Variants in NHEJ1 observed in about 807,000 individuals in gnomAD.
The protein encoded by NHEJ1 is non-homologous end joining factor 1, also known as non-homologous end-joining factor 1.
In NHEJ1, 22 loss-of-function variants were observed where a neutral mutation model predicts 39.4. The ratio of observed to expected loss-of-function variants is 0.56; its 90% CI spans 0.40 to 0.80. The LOEUF is 0.80. Among genes scored for constraint, NHEJ1 ranks in the 30% least tolerant of loss-of-function variants. The pLI is 0.00. For missense variants in NHEJ1, 329 were observed against 357.1 expected, an observed-to-expected ratio of 0.92 and a Z score of 0.63; for synonymous variants, 154 against 135.6, an observed-to-expected ratio of 1.14 and a Z score of -0.94.
At chr2:219,095,805 A>G (rs1949202947) in intron 5 of NHEJ1, among the ~76,000 whole-genome samples, 1 of 152,110 alleles carries the variant, frequency 6.6e-6, no homozygotes, top group Admixed American at 6.6e-5. Flanking sequence ...AAAGCAGAAA[A>G]CCAGATAAAA....
chr2:219,151,398 G>A (rs1375328995), intron 3 of NHEJ1, among the ~76,000 whole-genome samples: 6 of 152,104 alleles, frequency 3.9e-5, no homozygotes, highest in Non-Finnish European at 8.8e-5. Flanking sequence ...AACATGACAA[G>A]GAACAGCTTT....
At chr2:219,105,931 A>G (rs1949309166) in intron 5 of NHEJ1, among the ~76,000 whole-genome samples, 1 of 152,216 alleles carries the variant, frequency 6.6e-6, no homozygotes, top group East Asian at 1.9e-4. Flanking sequence ...CTTGAAGGCA[A>G]GGTTTCAGTT....
intron 5 of NHEJ1, among the ~76,000 whole-genome samples, chr2:219,081,579 G>A (rs1171195902): frequency 1.3e-5 from 2 of 152,226 alleles, no homozygotes; most frequent in African/African-American, 4.8e-5. Flanking sequence ...AGGGGAAACA[G>A]ATGCATCAAT....
At chr2:219,091,492 T>C (rs1282344885) in intron 5 of NHEJ1, among the ~76,000 whole-genome samples, 1 of 152,070 alleles carries the variant, frequency 6.6e-6, no homozygotes, top group East Asian at 1.9e-4. Context: ...CTAAGTCCTG[T>C]AGAGATGAAA....
intron 5 of NHEJ1, among the ~76,000 whole-genome samples, chr2:219,101,407 G>A (rs144670154): frequency 0.026 from 3,751 of 145,410 alleles, 159 homozygotes; most frequent in African/African-American, 0.09. Context: ...GAGCCACCGC[G>A]CCCGGCCTAT....
chr2:219,074,278 A>G lies in NHEJ1; in HGVS notation c.*2103T>C, dbSNP rs1003780131. On this transcript the variant is annotated 3_prime_UTR_variant, in exon 8 of 8. Coordinates refer to ENST00000356853, the MANE Select transcript of NHEJ1 (RefSeq NM_024782.3). Reference sequence around the variant, plus strand: ...TTTTACCTACAATTTTGAGGGATTCACAGGCCTCTGGCCCCGCTGTGATGA... The same window carrying G: ...TTTTACCTACAATTTTGAGGGATTCGCAGGCCTCTGGCCCCGCTGTGATGA... 6.6e-6 allele frequency among the ~76,000 whole-genome samples: 1 copy of G among 152,218 alleles called. No homozygotes were observed. The highest frequency in any genetic ancestry group is 2.4e-5 in the African/African-American group (1 of 41,446).
At chr2:219,149,411 T>C (rs1949774179) in intron 3 of NHEJ1, among the ~76,000 whole-genome samples, 1 of 151,484 alleles carries the variant, frequency 6.6e-6, no homozygotes, top group African/African-American at 2.4e-5. Flanking sequence ...AGTCCAAGAG[T>C]TCGAGTCCAG....
intron 5 of NHEJ1, among the ~76,000 whole-genome samples, chr2:219,105,062 G>T (rs1298862136): frequency 6.6e-6 from 1 of 152,158 alleles, no homozygotes; most frequent in Non-Finnish European, 1.5e-5. Flanking sequence ...TGCTGTCACT[G>T]CTTGATTGAG....
chr2:219,142,010 T>C (rs562100389), intron 5 of NHEJ1, among the ~76,000 whole-genome samples: 2 of 152,342 alleles, frequency 1.3e-5, no homozygotes, highest in Admixed American at 6.5e-5. Flanking sequence ...TTAAAGTATC[T>C]GCTCTAGAAT....
Position 219,082,131 on chromosome 2 carries a change from C to T in NHEJ1, c.589-3925G>A, listed in dbSNP as rs1208066492. ...CTTTTTAGACTCTCTGTTACATTTA[C>T]CTAAACTCTTAGTACTTCCTCATTA... On this transcript the variant is annotated intron_variant, in intron 5 of 7. Coordinates refer to ENST00000356853, the MANE Select transcript of NHEJ1 (RefSeq NM_024782.3). 3.9e-5 allele frequency among the ~76,000 whole-genome samples: 6 copies of T among 152,288 alleles called. No homozygotes were observed. The East Asian group carries it at 1.2e-3, about 29-fold the overall frequency.
intron 5 of NHEJ1, among the ~76,000 whole-genome samples, chr2:219,122,492 G>A (rs1177235240): frequency 2.0e-5 from 3 of 152,044 alleles, no homozygotes; most frequent in African/African-American, 7.3e-5. Context: ...CCATAGTACT[G>A]GTACAAGAAC....
In NHEJ1 at chr2:219,070,916, A is replaced by G. The variant is rs1374863998; in HGVS notation, c.*5465T>C. On this transcript the variant is annotated 3_prime_UTR_variant, in exon 8 of 8. Coordinates refer to ENST00000356853, the MANE Select transcript of NHEJ1 (RefSeq NM_024782.3). ...TAGTATTGCTGTTATCTATGAAACA[A>G]AATCTAAATTATTACCAGCTCTGCC... 3.3e-5 allele frequency among the ~76,000 whole-genome samples: 5 copies of G among 152,304 alleles called. No homozygotes were observed. The East Asian group carries it at 9.6e-4, about 29-fold the overall frequency.
Position 219,078,095 on chromosome 2 carries a change from C to T in NHEJ1, c.700G>A (p.Gly234Ser), listed in dbSNP as rs191958428. ...GTACCTCTGGAGGGCTCACCAGCGCCTTGATGCTTCTGTCCCACTTGGACC... is the reference window on the plus strand; with the variant it reads ...GTACCTCTGGAGGGCTCACCAGCGCTTTGATGCTTCTGTCCCACTTGGACC... ...QEVQVGQKHQGAGDPHTSNSA... is the reference protein window; with the variant it reads ...QEVQVGQKHQSAGDPHTSNSA... Residue 234 changes from glycine to serine, a missense_variant, in exon 6 of 8, where the codon GGC becomes AGC. Physicochemically the swap from Gly to Ser is moderately conservative, Grantham distance 56. Coordinates refer to ENST00000356853, the MANE Select transcript of NHEJ1 (RefSeq NM_024782.3). The T allele has an allele frequency of 1.2e-5, 19 of 1,613,604 alleles. No homozygotes were observed. In the Admixed American group the frequency reaches 3.2e-4, roughly 27 times the overall value.
chr2:219,112,581 C>T (rs1294481510), intron 5 of NHEJ1, among the ~76,000 whole-genome samples: 1 of 152,070 alleles, frequency 6.6e-6, no homozygotes, highest in Non-Finnish European at 1.5e-5. Flanking sequence ...TCTCTTGTTG[C>T]AGGATAACAG....
chr2:219,119,383 A>G (rs1949449034), intron 5 of NHEJ1, among the ~76,000 whole-genome samples: 1 of 152,146 alleles, frequency 6.6e-6, no homozygotes, highest in African/African-American at 2.4e-5. Flanking sequence ...TCCACTCTGG[A>G]TTGCTGGGAT....
At chr2:219,145,042 C>G (rs1043556979) in intron 5 of NHEJ1, among the ~76,000 whole-genome samples, 1 of 152,096 alleles carries the variant, frequency 6.6e-6, no homozygotes, top group Non-Finnish European at 1.5e-5. Context: ...TGGCGAAACC[C>G]CGTTTCTACT....
intron 5 of NHEJ1, among the ~76,000 whole-genome samples, chr2:219,091,672 T>C (rs1273626105): frequency 6.6e-6 from 1 of 152,194 alleles, no homozygotes; most frequent in Non-Finnish European, 1.5e-5. Context: ...AATTCGACTC[T>C]AGGAAATATA....
At chr2:219,156,545 AAGCTATG>A (rs1056554345) in intron 3 of NHEJ1, among the ~76,000 whole-genome samples, 49 of 152,350 alleles carry the variant, frequency 3.2e-4, no homozygotes, top group Non-Finnish European at 5.4e-4. Context: ...GGGAAATATA[AAGCTATG>A]AGTGAGTAGA....
At position 219,157,688 on chromosome 2, in the gene NHEJ1, AAG is replaced by A. The variant is rs1311914312; in HGVS notation, c.178-6_178-5del. On this transcript the variant is annotated splice_polypyrimidine_tract_variant and splice_region_variant and intron_variant, in intron 2 of 7. Coordinates refer to ENST00000356853, the MANE Select transcript of NHEJ1 (RefSeq NM_024782.3). ...CAGTGAGCCGCTTGTTCAGCTCCTA[AAG>A]AGAGAGCAGTGGTACAGAGTAAGGG... 6 of 1,611,468 alleles carry A rather than the reference AAG, an allele frequency of 3.7e-6. No homozygotes were observed. The highest frequency in any genetic ancestry group is 2.2e-5 in the South Asian group (2 of 90,650).
Sources: allele counts gnomAD v4.1 joint callset (sites outside exome capture counted in the v4.1 genomes callset), GRCh38; gene constraint gnomAD v4.1.1; transcripts MANE v1.5; gene names NCBI Gene and HGNC (gene_info 2026-07-23, HGNC 2026-07-21).